RBFOX1: variants seen among roughly 807,000 people sequenced by gnomAD.
The protein encoded by RBFOX1 is RNA binding fox-1 homolog 1, also known as RNA binding protein fox-1 homolog 1.
A neutral mutation model predicts 57.7 loss-of-function variants in RBFOX1; 8 were observed. That is an observed-to-expected ratio of 0.14 (90% CI 0.08 to 0.25). RBFOX1 has a LOEUF of 0.25. Among genes scored for constraint, RBFOX1 ranks in the 10% least tolerant of loss-of-function variants. The pLI is 1.00. For synonymous variants in RBFOX1, 326 were observed against 222.4 expected, an observed-to-expected ratio of 1.47 and a Z score of -4.15; for missense variants, 611 against 548.5, an observed-to-expected ratio of 1.11 and a Z score of -1.14.
intron 4 of RBFOX1, among the ~76,000 whole-genome samples, chr16:7,277,560 A>G (rs1349240903): frequency 1.3e-5 from 2 of 152,110 alleles, no homozygotes; most frequent in Non-Finnish European, 2.9e-5. Context: ...CCTAAACTAG[A>G]TGTTCTGATA....
intron 4 of RBFOX1, among the ~76,000 whole-genome samples, chr16:5,999,937 G>T (rs2152328236): frequency 8.8e-6 from 1 of 113,146 alleles, no homozygotes; most frequent in African/African-American, 3.3e-5. Flanking sequence ...GACAAGGAAA[G>T]AAAGCAAGCA....
At chr16:6,220,355 C>A (rs555581429) in intron 1 of RBFOX1, among the ~76,000 whole-genome samples, 1 of 152,130 alleles carries the variant, frequency 6.6e-6, no homozygotes, top group Non-Finnish European at 1.5e-5. Context: ...CCCCTTTATT[C>A]TTTAAGACTC....
intron 4 of RBFOX1, among the ~76,000 whole-genome samples, chr16:5,893,116 A>G (rs2058084676): frequency 6.6e-6 from 1 of 152,186 alleles, no homozygotes; most frequent in South Asian, 2.1e-4. Flanking sequence ...TTGGCATTTT[A>G]CCTCACATTA....
At chr16:7,574,847 C>G (rs1053845940) in intron 5 of RBFOX1, among the ~76,000 whole-genome samples, 1 of 152,172 alleles carries the variant, frequency 6.6e-6, no homozygotes, top group Non-Finnish European at 1.5e-5. Context: ...ATTCATTCCT[C>G]CTTCTCCTAG....
intron 3 of RBFOX1, among the ~76,000 whole-genome samples, chr16:5,607,138 G>A (rs964160910): frequency 2.0e-5 from 3 of 152,234 alleles, no homozygotes; most frequent in South Asian, 2.1e-4. Flanking sequence ...CCAGCTCTAC[G>A]CCCAGACTCC....
At chr16:6,396,069 A>C in intron 2 of RBFOX1, among the ~76,000 whole-genome samples, 1 of 150,610 alleles carries the variant, frequency 6.6e-6, no homozygotes, top group East Asian at 1.9e-4. Context: ...CCTTCTCAAA[A>C]AAAAAAAAAA....
chr16:7,527,249 C>G (rs2078914547), intron 5 of RBFOX1, among the ~76,000 whole-genome samples: 1 of 152,136 alleles, frequency 6.6e-6, no homozygotes, highest in African/African-American at 2.4e-5. Context: ...GCTTCTCACT[C>G]CCATGTATTC....
chr16:5,868,313 G>T (rs12924364), intron 4 of RBFOX1, among the ~76,000 whole-genome samples: 75,136 of 147,566 alleles, frequency 0.51, 18,989 homozygotes, highest in East Asian at 0.62. Flanking sequence ...GCATGTGGAG[G>T]TATTTATATC....
chr16:7,699,032 T>C (rs1432376164), intron 14 of RBFOX1, among the ~76,000 whole-genome samples: 1 of 152,194 alleles, frequency 6.6e-6, no homozygotes, highest in Non-Finnish European at 1.5e-5. Flanking sequence ...GGAGAACTTG[T>C]TACAAATGCA....
intron 2 of RBFOX1, among the ~76,000 whole-genome samples, chr16:6,624,383 G>A (rs1448451893): frequency 6.6e-6 from 1 of 152,092 alleles, no homozygotes; most frequent in Admixed American, 6.6e-5. Context: ...GTGAGATCAG[G>A]GTTTTTGCAG....
chr16:5,750,205 C>A (rs1193027251), intron 3 of RBFOX1, among the ~76,000 whole-genome samples: 2 of 152,186 alleles, frequency 1.3e-5, no homozygotes, highest in Non-Finnish European at 2.9e-5. Context: ...GCAAATGTTG[C>A]TGCCCGATCA....
At chr16:6,684,188 T>C (rs1221545054) in intron 3 of RBFOX1, among the ~76,000 whole-genome samples, 2 of 152,222 alleles carry the variant, frequency 1.3e-5, no homozygotes, top group African/African-American at 4.8e-5. Context: ...CGCAAGGATG[T>C]ACGCAAATGT....
intron 1 of RBFOX1, among the ~76,000 whole-genome samples, chr16:5,314,762 A>C (rs1481761071): frequency 6.6e-6 from 1 of 151,898 alleles, no homozygotes; most frequent in East Asian, 1.9e-4. Context: ...TGGCCTCTCA[A>C]AGTGCTGAGA....
Position 5,788,320 on chromosome 16 carries a change from A to G in RBFOX1, c.319-78983A>G, listed in dbSNP as rs111774444. Among the ~76,000 whole-genome samples the G allele has an allele frequency of 5.0e-3, 762 of 152,318 alleles. 12 individuals are homozygous for G. The highest frequency in any genetic ancestry group is 0.016 in the African/African-American group (654 of 41,584). On this transcript the variant is annotated intron_variant, in intron 3 of 19. Transcript: ENST00000641259. ...CCTTATTGGAGACATTTAGCGCAAC[A>G]AAAGCGTCTTTTGAAGGAACACTTG...
At chr16:5,406,630 A>G (rs533391776) in intron 1 of RBFOX1, among the ~76,000 whole-genome samples, 1 of 152,072 alleles carries the variant, frequency 6.6e-6, no homozygotes, top group South Asian at 2.1e-4. Flanking sequence ...GTGTATATGC[A>G]TGCATGTGTG....
chr16:6,374,981 C>A (rs2090976405), intron 2 of RBFOX1, among the ~76,000 whole-genome samples: 1 of 152,000 alleles, frequency 6.6e-6, no homozygotes, highest in Non-Finnish European at 1.5e-5. Flanking sequence ...AAACAGTCTG[C>A]AGAACAAAGA....
chr16:6,246,610 A>G (rs1490301593), intron 1 of RBFOX1, among the ~76,000 whole-genome samples: 1 of 152,176 alleles, frequency 6.6e-6, no homozygotes, highest in African/African-American at 2.4e-5. Context: ...GGGTGATTCC[A>G]CCAGAAGAGA....
intron 4 of RBFOX1, among the ~76,000 whole-genome samples, chr16:7,155,919 A>T (rs2077021340): frequency 6.6e-6 from 1 of 151,720 alleles, no homozygotes; most frequent in Non-Finnish European, 1.5e-5. Context: ...ATTAAATCTC[A>T]TTCCTATACC....
chr16:6,901,506 G>A (rs1184280497), intron 3 of RBFOX1, among the ~76,000 whole-genome samples: 1 of 152,182 alleles, frequency 6.6e-6, no homozygotes, highest in Admixed American at 6.5e-5. Context: ...GACCTGGAAT[G>A]ACAGCAAGTT....
Sources: gnomAD v4.1 joint callset for allele counts (sites outside exome capture counted in the v4.1 genomes callset) on GRCh38, gnomAD v4.1.1 for gene constraint, MANE v1.5 for transcripts, NCBI Gene and HGNC (gene_info 2026-07-23, HGNC 2026-07-21) for gene names.